Variants in MED13L observed in about 807,000 individuals in gnomAD.
The protein encoded by MED13L is mediator complex subunit 13L, also known as mediator of RNA polymerase II transcription subunit 13-like.
MED13L carries 7 observed loss-of-function variants against 220.9 expected under a neutral mutation model. The ratio of observed to expected loss-of-function variants is 0.03; its 90% CI spans 0.02 to 0.06. The LOEUF (loss-of-function observed/expected upper bound fraction) is 0.06. MED13L is among the 10% of genes least tolerant of loss of function. The pLI is 1.00. For missense variants in MED13L, 1,965 were observed against 2,760.5 expected (o/e 0.71, Z 6.46); for synonymous variants, 1,011 against 1,015.2 (o/e 1.00, Z 0.08).
chr12:116,160,954 C>T (rs970332430), intron 2 of MED13L, among the ~76,000 whole-genome samples: 1 of 152,110 alleles, frequency 6.6e-6, no homozygotes, highest in Non-Finnish European at 1.5e-5. Context: ...GCTGCTATAA[C>T]AGAATATCTG....
rs528906839 is a variant in MED13L, at chr12:116,223,645, G to A, written c.310+13823C>T. ...CCTGAACCCGGGAGGTGGAGGTTGC[G>A]GTGAGCAGAGATCACACCATTGCAC... On this transcript the variant is annotated intron_variant, in intron 2 of 30. Transcript: ENST00000281928. 2.9e-3 allele frequency among the ~76,000 whole-genome samples: 435 copies of A among 151,936 alleles called. 3 individuals are homozygous for A. Among genetic ancestry groups the A allele is most frequent in the Admixed American group, 4.5e-3 (69 of 15,252 alleles).
At position 116,024,773 on chromosome 12, in the gene MED13L, CGGGG is replaced by C. The variant is rs796599611; in HGVS notation, c.480-2176_480-2173del. Among the ~76,000 whole-genome samples, 8 of 5,098 alleles carry C rather than the reference CGGGG, an allele frequency of 1.6e-3. No individual in the cohort carries two copies. The South Asian group carries it at 0.022, about 14-fold the overall frequency. The allele number at this position is 5,098 out of a possible 152,430, so 3.3% of individuals were successfully genotyped here. A position where few individuals can be genotyped will look rare whatever the true frequency, so the allele number is the denominator to read the frequency against. On this transcript the variant is annotated intron_variant, in intron 4 of 30. Coordinates refer to ENST00000281928, the MANE Select transcript of MED13L (RefSeq NM_015335.5). The stretch of plus-strand genomic sequence containing the variant: ...AGTTTCATGCTTTTTTTTGGCGGGG[CGGGG>C]GGGGGGGGGAGGTGATCTTGTTTTT...
chr12:116,249,869 T>C (rs769418015), intron 1 of MED13L, among the ~76,000 whole-genome samples: 11 of 149,216 alleles, frequency 7.4e-5, no homozygotes, highest in Non-Finnish European at 1.5e-4. Flanking sequence ...CAGCACAGTA[T>C]CAGGCAATCT....
intron 23 of MED13L, among the ~76,000 whole-genome samples, chr12:115,979,255 CATTT>C (rs1191353936): frequency 2.0e-5 from 3 of 152,092 alleles, no homozygotes; most frequent in Non-Finnish European, 4.4e-5. Flanking sequence ...GTCTTTTTGC[CATTT>C]ATTTTAATCT....
chr12:116,267,386 G>A (rs1247404329), intron 1 of MED13L, among the ~76,000 whole-genome samples: 2 of 152,144 alleles, frequency 1.3e-5, no homozygotes, highest in Admixed American at 1.3e-4. Flanking sequence ...CAACATAAAT[G>A]CTATACTTAA....
intron 30 of MED13L, 80 bp from the exon 31 acceptor site, chr12:115,961,478 C>G (rs1875751204): frequency 1.3e-6 from 2 of 1,571,680 alleles, no homozygotes; most frequent in South Asian, 2.2e-5. Context: ...CATTCCAGAT[C>G]TTAGCAGGAA....
At chr12:116,057,103 G>A (rs189655331) in intron 4 of MED13L, among the ~76,000 whole-genome samples, 2 of 152,278 alleles carry the variant, frequency 1.3e-5, no homozygotes, top group East Asian at 1.9e-4. Context: ...ATCAGAAGCC[G>A]AATCCCTGAA....
At chr12:116,274,165 T>C (rs1354907125) in intron 1 of MED13L, among the ~76,000 whole-genome samples, 3 of 152,146 alleles carry the variant, frequency 2.0e-5, no homozygotes, top group Non-Finnish European at 4.4e-5. Flanking sequence ...GAAAAGGGAA[T>C]GGATGCTGAA....
At chr12:116,259,515 T>C (rs1872338263) in intron 1 of MED13L, among the ~76,000 whole-genome samples, 1 of 152,182 alleles carries the variant, frequency 6.6e-6, no homozygotes, top group Non-Finnish European at 1.5e-5. Flanking sequence ...GAAATTGAAG[T>C]AAGAGTTACT....
At chr12:115,989,756 T>C (rs1021159062) in intron 17 of MED13L, among the ~76,000 whole-genome samples, 1 of 152,148 alleles carries the variant, frequency 6.6e-6, no homozygotes. Flanking sequence ...CTTTCCCTTA[T>C]CCCCAAAACT....
intron 7 of MED13L, among the ~76,000 whole-genome samples, chr12:116,018,617 A>G (rs1879871582): frequency 6.6e-6 from 1 of 152,206 alleles, no homozygotes; most frequent in Non-Finnish European, 1.5e-5. Context: ...ATACTACTCA[A>G]TAAAGAAGGC....
chr12:116,038,682 ACATGCTG>A (rs1881332969), intron 4 of MED13L, among the ~76,000 whole-genome samples: 1 of 144,834 alleles, frequency 6.9e-6, no homozygotes, highest in Non-Finnish European at 1.5e-5. Flanking sequence ...GGAAGTTCCA[ACATGCTG>A]CCCTTCATCA....
chr12:116,137,734 G>A (rs977963547), intron 2 of MED13L, among the ~76,000 whole-genome samples: 2 of 151,796 alleles, frequency 1.3e-5, no homozygotes, highest in South Asian at 4.2e-4. Flanking sequence ...TCTAGACTAT[G>A]GTATTTCTGA....
intron 9 of MED13L, among the ~76,000 whole-genome samples, chr12:116,011,622 T>A (rs1380202813): frequency 6.6e-6 from 1 of 152,166 alleles, no homozygotes; most frequent in African/African-American, 2.4e-5. Flanking sequence ...GTCACACAAT[T>A]CACAAGAGCC....
chr12:116,269,465 G>GAAAAAAAAAAAAAAAAAAAAAAAA (rs1419599673), intron 1 of MED13L, among the ~76,000 whole-genome samples: 1 of 37,858 alleles, frequency 2.6e-5, no homozygotes, highest in Non-Finnish European at 5.8e-5. Context: ...TTTAAACTAT[G>GAAAAAAAAAAAAAAAAAAAAAAAA]CAAAAAAAAA....
chr12:116,273,773 CAT>C (rs1873587659), intron 1 of MED13L, among the ~76,000 whole-genome samples: 1 of 152,198 alleles, frequency 6.6e-6, no homozygotes, highest in African/African-American at 2.4e-5. Context: ...ATCACTCCCT[CAT>C]ATCAAAGAGC....
chr12:116,237,796 A>G (rs1870233744), intron 1 of MED13L, 91 bp from the exon 2 acceptor site: 1 of 1,111,324 alleles, frequency 9.0e-7, no homozygotes, highest in Non-Finnish European at 1.4e-6. Flanking sequence ...ATTGTGCTAA[A>G]ATAAATATTT....
chr12:116,015,412 T>G (rs1879667890), intron 7 of MED13L, 138 bp from the exon 8 acceptor site: 1 of 861,154 alleles, frequency 1.2e-6, no homozygotes, highest in African/African-American at 1.7e-5. Flanking sequence ...CCCCTGGCAA[T>G]AACACTATCT....
At chr12:116,015,336 T>G in intron 7 of MED13L, 62 bp from the exon 8 acceptor site, 3 of 1,524,754 alleles carry the variant, frequency 2.0e-6, no homozygotes, top group East Asian at 4.5e-5. Flanking sequence ...CTTCATAGAC[T>G]GCTATCTTAT....
Sources: allele counts gnomAD v4.1 joint callset (sites outside exome capture counted in the v4.1 genomes callset), GRCh38; gene constraint gnomAD v4.1.1; transcripts MANE v1.5; gene names NCBI Gene and HGNC (gene_info 2026-07-23, HGNC 2026-07-21).